The following CLYBL variants were observed in gnomAD, a reference collection of about 807,000 sequenced individuals.
CLYBL encodes citramalyl-CoA lyase, mitochondrial.
In CLYBL, 31 loss-of-function variants were observed where a neutral mutation model predicts 38.9. That is an observed-to-expected ratio of 0.80 (90% CI 0.60 to 1.08). The LOEUF is 1.08. Ranked by LOEUF, CLYBL falls within the 50% of genes least tolerant of loss-of-function variation. CLYBL has a pLI of 0.00. For synonymous variants in CLYBL, 171 were observed against 158.6 expected, an observed-to-expected ratio of 1.08 and a Z score of -0.59; for missense variants, 434 against 411.6, an observed-to-expected ratio of 1.05 and a Z score of -0.47.
chr13:99,773,604 C>G (rs1282171786), intron 2 of CLYBL, among the ~76,000 whole-genome samples: 1 of 152,110 alleles, frequency 6.6e-6, no homozygotes, highest in Non-Finnish European at 1.5e-5. Flanking sequence ...CGCCCCACCT[C>G]CCATGGAATA....
chr13:99,776,280 A>T (rs1390011539), intron 2 of CLYBL, among the ~76,000 whole-genome samples: 2 of 151,806 alleles, frequency 1.3e-5, no homozygotes, highest in South Asian at 2.1e-4. Context: ...GGATCACTTG[A>T]GGCCAGTAGT....
intron 1 of CLYBL, among the ~76,000 whole-genome samples, chr13:99,743,298 T>G (rs988055287): frequency 6.6e-6 from 1 of 152,212 alleles, no homozygotes; most frequent in African/African-American, 2.4e-5. Flanking sequence ...AAGTGCCTCT[T>G]GAAGTGACTT....
chr13:99,630,267 A>G (rs1405530120), intron 1 of CLYBL, among the ~76,000 whole-genome samples: 1 of 152,182 alleles, frequency 6.6e-6, no homozygotes, highest in Non-Finnish European at 1.5e-5. Context: ...TAAATTGTCA[A>G]ATGCCTCTTT....
chr13:99,770,191 G>T (rs909785475), intron 1 of CLYBL, among the ~76,000 whole-genome samples: 4 of 150,882 alleles, frequency 2.7e-5, no homozygotes, highest in South Asian at 2.1e-4. Flanking sequence ...GGGTTCAAGG[G>T]ATTCTCGCTA....
intron 1 of CLYBL, among the ~76,000 whole-genome samples, chr13:99,714,948 C>CTAAATAAA (rs768043172): frequency 3.3e-5 from 5 of 151,860 alleles, no homozygotes; most frequent in African/African-American, 9.7e-5. Context: ...GACTCTGTCT[C>CTAAATAAA]TAAATAAATA....
At chr13:99,747,418 T>TTCCTCA (rs896035536) in intron 1 of CLYBL, among the ~76,000 whole-genome samples, 5 of 151,898 alleles carry the variant, frequency 3.3e-5, no homozygotes, top group South Asian at 2.1e-4. Context: ...GGCCAACTCT[T>TTCCTCA]TCCTCATCCT....
At chr13:99,901,645 G>GTTTTTT (rs57853480), downstream of CLYBL, among the ~76,000 whole-genome samples, 9 of 127,188 alleles carry the variant, frequency 7.1e-5, no homozygotes, top group African/African-American at 1.5e-4. Flanking sequence ...GGATTTTTTT[G>GTTTTTT]TTTTTTTTTT....
chr13:99,674,595 G>A (rs1364853271), intron 1 of CLYBL, among the ~76,000 whole-genome samples: 1 of 152,086 alleles, frequency 6.6e-6, no homozygotes, highest in Non-Finnish European at 1.5e-5. Context: ...ACACAGAGCT[G>A]ACTGAGCAGT....
intron 6 of CLYBL, among the ~76,000 whole-genome samples, chr13:99,866,708 G>C (rs528088498): frequency 1.1e-4 from 17 of 151,476 alleles, no homozygotes; most frequent in East Asian, 5.8e-4. Context: ...GAGGGATGAG[G>C]CTGCTCAAAA....
chr13:99,814,088 T>C (rs2050394810), intron 2 of CLYBL, among the ~76,000 whole-genome samples: 1 of 152,258 alleles, frequency 6.6e-6, no homozygotes, highest in Non-Finnish European at 1.5e-5. Context: ...AGGTTTTGTT[T>C]GTTTTCTTGT....
intron 1 of CLYBL, among the ~76,000 whole-genome samples, chr13:99,647,334 G>C (rs1457908685): frequency 1.3e-5 from 2 of 152,138 alleles, no homozygotes; most frequent in Non-Finnish European, 2.9e-5. Flanking sequence ...GTGTGGCTCT[G>C]AAAAACCTTC....
intron 7 of CLYBL, among the ~76,000 whole-genome samples, chr13:99,883,487 C>G (rs1022756706): frequency 4.0e-5 from 6 of 150,882 alleles, no homozygotes; most frequent in Admixed American, 4.0e-4. Context: ...CCATTGCACT[C>G]CAGCCTGGGC....
intron 7 of CLYBL, among the ~76,000 whole-genome samples, chr13:99,886,986 G>A (rs2052366152): frequency 6.6e-6 from 1 of 152,226 alleles, no homozygotes; most frequent in African/African-American, 2.4e-5. Flanking sequence ...CTAACCTAAG[G>A]AAATTCTGCC....
chr13:99,775,137 G>A (rs898705579), intron 2 of CLYBL, among the ~76,000 whole-genome samples: 1 of 152,208 alleles, frequency 6.6e-6, no homozygotes, highest in Non-Finnish European at 1.5e-5. Context: ...TTGTAGCACA[G>A]TGAGCCATTA....
intron 1 of CLYBL, among the ~76,000 whole-genome samples, chr13:99,768,598 G>A (rs7328023): frequency 0.48 from 68,629 of 143,128 alleles, 17,097 homozygotes; most frequent in East Asian, 0.73. Flanking sequence ...TGCAACCTCC[G>A]CCTCCCAGGT....
chr13:99,875,130 A>T (rs1239463101), intron 7 of CLYBL, among the ~76,000 whole-genome samples: 1 of 152,220 alleles, frequency 6.6e-6, no homozygotes, highest in Non-Finnish European at 1.5e-5. Context: ...AGACTGAGGA[A>T]GGGGAAGTAT....
intron 2 of CLYBL, among the ~76,000 whole-genome samples, chr13:99,825,499 C>T (rs7319139): frequency 0.2 from 30,384 of 152,050 alleles, 3,816 homozygotes; most frequent in East Asian, 0.3. Context: ...GGCTTAGTCC[C>T]CTTTTTTATG....
intron 1 of CLYBL, among the ~76,000 whole-genome samples, chr13:99,752,403 A>T (rs548897246): frequency 4.6e-5 from 7 of 152,208 alleles, no homozygotes; most frequent in Admixed American, 1.3e-4. Flanking sequence ...CCCTGCCCAC[A>T]GGGGGCCTGT....
chr13:99,608,086 TCC>T (rs1211599833), intron 1 of CLYBL, among the ~76,000 whole-genome samples: 1 of 77,572 alleles, frequency 1.3e-5, no homozygotes, highest in African/African-American at 6.2e-5. Context: ...TTTTTTTTTT[TCC>T]GAGATGGAGT....
Sources: gnomAD v4.1 joint callset for allele counts (sites outside exome capture counted in the v4.1 genomes callset) on GRCh38, gnomAD v4.1.1 for gene constraint, MANE v1.5 for transcripts, NCBI Gene and HGNC (gene_info 2026-07-23, HGNC 2026-07-21) for gene names.